The following PRPSAP2 variants were observed in gnomAD, a reference collection of about 807,000 sequenced individuals.
The protein encoded by PRPSAP2 is phosphoribosyl pyrophosphate synthetase associated protein 2, also known as phosphoribosyl pyrophosphate synthase-associated protein 2.
Under a neutral mutation model 40.6 loss-of-function variants are expected in PRPSAP2, and 24 were observed. The ratio of observed to expected loss-of-function variants is 0.59; its 90% CI spans 0.43 to 0.83. The LOEUF is 0.83. Ranked by LOEUF, PRPSAP2 falls within the 40% of genes least tolerant of loss-of-function variation. The pLI is 0.00. For missense variants in PRPSAP2, 292 were observed against 465.6 expected (o/e 0.63, Z 3.43); for synonymous variants, 149 against 164.7 (o/e 0.90, Z 0.73).
chr17:18,926,153 A>G (rs1177203376), intron 10 of PRPSAP2, among the ~76,000 whole-genome samples: 3 of 152,000 alleles, frequency 2.0e-5, no homozygotes, highest in African/African-American at 7.2e-5. Flanking sequence ...GCTGTCCATT[A>G]CTTATTCCTT....
Position 18,911,348 on chromosome 17 carries a change from T to C in PRPSAP2, c.733+97T>C. Reference sequence around the variant, plus strand: ...TTTTTCCTCATTCTTCGTTTTTTTTTAGTTGGCAAAAACTCATTAACACCT... The same window carrying C: ...TTTTTCCTCATTCTTCGTTTTTTTTCAGTTGGCAAAAACTCATTAACACCT... On this transcript the variant is annotated intron_variant, in intron 9 of 11. Transcript: ENST00000268835. The surrounding 1 kb of genome is among the most constrained non-coding windows in gnomAD (Gnocchi z 4.5). 2 of 1,245,714 alleles carry C rather than the reference T, an allele frequency of 1.6e-6. No individual in the cohort carries two copies. The highest frequency in any genetic ancestry group is 2.6e-5 in the Admixed American group (1 of 38,308). The allele number at this position is 1,245,714 out of a possible 1,614,324, so 77.2% of individuals were successfully genotyped here. A position where few individuals can be genotyped will look rare whatever the true frequency, so the allele number is the denominator to read the frequency against.
chr17:18,873,281 C>T (rs563952296), intron 5 of PRPSAP2, among the ~76,000 whole-genome samples: 5 of 150,488 alleles, frequency 3.3e-5, no homozygotes, highest in African/African-American at 7.3e-5. Flanking sequence ...GCAACCTCAG[C>T]TTACCGCAAC....
At chr17:18,907,063 T>C (rs1213457032) in intron 8 of PRPSAP2, among the ~76,000 whole-genome samples, 1 of 151,998 alleles carries the variant, frequency 6.6e-6, no homozygotes, top group Non-Finnish European at 1.5e-5. Flanking sequence ...TTCAGTATAA[T>C]CCTTAATTTT....
chr17:18,884,951 G>A (rs2039022756), intron 7 of PRPSAP2, among the ~76,000 whole-genome samples: 1 of 152,208 alleles, frequency 6.6e-6, no homozygotes, highest in Non-Finnish European at 1.5e-5. Flanking sequence ...GGGATGCCCG[G>A]TGGGTGAGCC....
At chr17:18,917,433 C>T (rs2041386370) in intron 9 of PRPSAP2, 1 of 149,642 alleles carries the variant, frequency 6.7e-6, no homozygotes, top group Admixed American at 6.7e-5. Context: ...TTTGCCCAGC[C>T]TGGAGTGCAG....
chr17:18,867,205 A>G, intron 3 of PRPSAP2, 77 bp from the exon 4 acceptor site: 1 of 1,349,036 alleles, frequency 7.4e-7, no homozygotes, highest in Non-Finnish European at 1.0e-6. Context: ...TTATCGATTT[A>G]CGAGTCTCCT....
chr17:18,861,961 C>T (rs1365319090), intron 1 of PRPSAP2, among the ~76,000 whole-genome samples: 1 of 152,174 alleles, frequency 6.6e-6, no homozygotes, highest in Non-Finnish European at 1.5e-5. Flanking sequence ...AGTCTCTACT[C>T]ACTGCAACCT....
chr17:18,862,157 G>A (rs1293602601), intron 1 of PRPSAP2, among the ~76,000 whole-genome samples: 1 of 152,174 alleles, frequency 6.6e-6, no homozygotes, highest in African/African-American at 2.4e-5. Context: ...CAATTTGCTG[G>A]GATTATAGGC....
chr17:18,874,484 C>T (rs899591893), intron 5 of PRPSAP2, among the ~76,000 whole-genome samples: 1 of 152,210 alleles, frequency 6.6e-6, no homozygotes, highest in African/African-American at 2.4e-5. Context: ...ATTTTCTCTC[C>T]TGGTCTTTGG....
rs567811239 is a variant in PRPSAP2 at position 18,930,099 on chromosome 17, G to A, written c.952-441G>A. Among the ~76,000 whole-genome samples the A allele has an allele frequency of 9.2e-5, 14 of 152,286 alleles. No homozygotes were observed. The East Asian group carries it at 2.3e-3, about 25-fold the overall frequency. ...TTAACCTAAGAAACACAGGCTGGGC[G>A]CGGTGGCTCACGCCTGTAATCCCAG... On this transcript the variant is annotated intron_variant, in intron 11 of 11. Transcript: ENST00000268835.
intron 7 of PRPSAP2, among the ~76,000 whole-genome samples, chr17:18,884,966 G>T (rs894530758): frequency 6.6e-6 from 1 of 152,178 alleles, no homozygotes; most frequent in Non-Finnish European, 1.5e-5. Flanking sequence ...TGAGCCTAAA[G>T]AACGAAGGCT....
Position 18,882,643 on chromosome 17 carries a change from T to G in PRPSAP2, c.488T>G (p.Leu163Ter), listed in dbSNP as rs374596090. Reference sequence around the variant, plus strand: ...TTCTTCAATATTCCTGTTGACAATTTAAGAGCATCTCCCTTCTTATTACAG... The same window carrying G: ...TTCTTCAATATTCCTGTTGACAATTGAAGAGCATCTCCCTTCTTATTACAG... ...QGFFNIPVDNLRASPFLLQYI... is the reference protein window; with the variant it reads ...QGFFNIPVDN The change falls in exon 7 of 12, where the codon TTA becomes TGA. Residue 163 changes from leucine to a stop codon, truncating the protein, a stop_gained. Coordinates refer to ENST00000268835, the MANE Select transcript of PRPSAP2 (RefSeq NM_002767.4). LOFTEE classifies it high-confidence loss of function. 3.1e-6 allele frequency: 5 copies of G among 1,603,156 alleles called. No homozygotes were observed. The highest frequency in any genetic ancestry group is 4.3e-6 in the Non-Finnish European group (5 of 1,170,170).
chr17:18,901,339 C>G (rs1278201594), intron 8 of PRPSAP2, among the ~76,000 whole-genome samples: 3 of 152,114 alleles, frequency 2.0e-5, no homozygotes, highest in Admixed American at 2.0e-4. Flanking sequence ...TGCTCAGGTC[C>G]TGAGGTCCCT....
intron 8 of PRPSAP2, among the ~76,000 whole-genome samples, chr17:18,905,993 A>T (rs2040562386): frequency 6.6e-6 from 1 of 152,198 alleles, no homozygotes; most frequent in Non-Finnish European, 1.5e-5. Context: ...ATGTTATTAA[A>T]ATATTCTGTG....
At chr17:18,891,066 C>G (rs1215175770) in intron 8 of PRPSAP2, among the ~76,000 whole-genome samples, 1 of 152,168 alleles carries the variant, frequency 6.6e-6, no homozygotes, top group East Asian at 1.9e-4. Context: ...AGGAATAAAG[C>G]CTTTTTCCTA....
intron 9 of PRPSAP2, among the ~76,000 whole-genome samples, chr17:18,912,511 CA>C (rs939332213): frequency 1.3e-5 from 2 of 152,154 alleles, no homozygotes; most frequent in Non-Finnish European, 2.9e-5. Context: ...TAATAGCCCC[CA>C]AAATGTTAAC....
chr17:18,876,694 A>G (rs1221755160), intron 5 of PRPSAP2, among the ~76,000 whole-genome samples: 1 of 152,186 alleles, frequency 6.6e-6, no homozygotes, highest in Non-Finnish European at 1.5e-5. Flanking sequence ...ATAAGACAGC[A>G]TGGTGAGATG....
Position 18,925,877 on chromosome 17 carries a change from C to T in PRPSAP2, c.804+1893C>T, listed in dbSNP as rs560030673. Among the ~76,000 whole-genome samples the T allele has an allele frequency of 7.2e-5, 11 of 152,164 alleles. No homozygotes were observed. In the South Asian group the frequency reaches 2.3e-3, roughly 32 times the overall value. On this transcript the variant is annotated intron_variant, in intron 10 of 11. Transcript: ENST00000268835. ...CTGTAATCCCAGCACTTTGGGAGGC[C>T]GAGACGGGTGTAGGTCAGGAGATCG...
chr17:18,900,337 T>C (rs1306695422), intron 8 of PRPSAP2, among the ~76,000 whole-genome samples: 1 of 152,242 alleles, frequency 6.6e-6, no homozygotes, highest in Non-Finnish European at 1.5e-5. Context: ...TCTTTTTTTA[T>C]ACCTTCTATT....
Sources: gnomAD v4.1 joint callset for allele counts (sites outside exome capture counted in the v4.1 genomes callset) on GRCh38, gnomAD v4.1.1 for gene constraint, Gnocchi (gnomAD v3.1) non-coding constraint, MANE v1.5 for transcripts, NCBI Gene and HGNC (gene_info 2026-07-23, HGNC 2026-07-21) for gene names.